Variants in BRSK2 observed in about 807,000 individuals in gnomAD.
BRSK2 encodes the protein serine/threonine-protein kinase BRSK2.
BRSK2 carries 19 observed loss-of-function variants against 83.3 expected under a neutral mutation model. The observed-to-expected ratio is 0.23, with a 90% CI of 0.16 to 0.33. The LOEUF (loss-of-function observed/expected upper bound fraction) is 0.33, where lower values mean the gene tolerates loss of function less well. Ranked by LOEUF, BRSK2 falls within the 10% of genes least tolerant of loss-of-function variation. The probability of loss-of-function intolerance (pLI) is 1.00; values close to 1 mark genes in which losing one functional copy is unlikely to be tolerated. For missense variants in BRSK2, 798 were observed against 1,042.3 expected, an observed-to-expected ratio of 0.77 and a Z score of 3.23; for synonymous variants, 519 against 435.4, an observed-to-expected ratio of 1.19 and a Z score of -2.39.
At chr11:1,421,140 G>A (rs1179691168) in intron 1 of BRSK2, among the ~76,000 whole-genome samples, 1 of 152,206 alleles carries the variant, frequency 6.6e-6, no homozygotes, top group Non-Finnish European at 1.5e-5. Context: ...ACAGTCCCAG[G>A]CTGTGCTTTG....
At chr11:1,435,220 G>A (rs1464219750) in intron 1 of BRSK2, among the ~76,000 whole-genome samples, 4 of 144,128 alleles carry the variant, frequency 2.8e-5, no homozygotes, top group African/African-American at 1.0e-4. Flanking sequence ...GAGGGGTGCC[G>A]GTGGGGGTCT....
intron 1 of BRSK2, among the ~76,000 whole-genome samples, chr11:1,403,033 C>T (rs1477202571): frequency 1.3e-5 from 2 of 152,120 alleles, no homozygotes; most frequent in South Asian, 2.1e-4. Context: ...GGAGGACGGG[C>T]GGGACCCCCC....
At chr11:1,406,836 C>T (rs1029781339) in intron 1 of BRSK2, among the ~76,000 whole-genome samples, 3 of 152,192 alleles carry the variant, frequency 2.0e-5, no homozygotes, top group South Asian at 2.1e-4. Flanking sequence ...GCTCCCTCCA[C>T]GAGGTACACG....
In BRSK2 at chr11:1,460,699, C is replaced by T. The variant is rs766004784; in HGVS notation, c.2187C>T (p.Pro729=). ...TGKDTAKMGP[P]TARREQP is the part of the protein sequence containing the mutation. ...AGGACACGGCCAAGATGGGCCCGCC[C>T]ACCGCCCGCCGCGAGCAGCCTTAGA... Residue 729 remains proline (P), a synonymous_variant, in exon 20 of 20, where the codon CCC becomes CCT. Coordinates refer to ENST00000528841, the MANE Select transcript of BRSK2 (RefSeq NM_001256627.2). The T allele has an allele frequency of 6.6e-4, 972 of 1,478,372 alleles. 1 individual carries two copies. Among genetic ancestry groups the T allele is most frequent in the Non-Finnish European group, 8.5e-4 (946 of 1,108,112 alleles). The allele number at this position is 1,478,372 out of a possible 1,614,324, so 91.6% of individuals were successfully genotyped here.
intron 11 of BRSK2, 29 bp downstream of exon 11, chr11:1,445,697 G>T (rs370640615): frequency 2.5e-6 from 4 of 1,611,386 alleles, no homozygotes; most frequent in African/African-American, 1.3e-5. Context: ...CCTCCAGCCC[G>T]GCCTGCACTG....
intron 13 of BRSK2, 52 bp from the exon 14 acceptor site, chr11:1,450,535 G>A: frequency 1.1e-6 from 1 of 943,164 alleles, no homozygotes; most frequent in Non-Finnish European, 1.6e-6. Flanking sequence ...TGCCCCCCCG[G>A]CCCCCACCCG....
chr11:1,415,278 TAG>T (rs1847983970), intron 1 of BRSK2, among the ~76,000 whole-genome samples: 1 of 151,962 alleles, frequency 6.6e-6, no homozygotes, highest in South Asian at 2.1e-4. Flanking sequence ...GTATTTTTAG[TAG>T]AGAGGGGGTT....
intron 13 of BRSK2, 47 bp from the exon 14 acceptor site, chr11:1,450,540 C>T (rs1472485127): frequency 1.3e-5 from 14 of 1,046,880 alleles, no homozygotes; most frequent in Middle Eastern, 4.1e-4. Flanking sequence ...CCCCGGCCCC[C>T]ACCCGCCGGG....
At chr11:1,400,877 C>T (rs944677336) in intron 1 of BRSK2, among the ~76,000 whole-genome samples, 11 of 152,372 alleles carry the variant, frequency 7.2e-5, no homozygotes, top group Admixed American at 1.3e-4. Flanking sequence ...CCTCGTGGTG[C>T]TGGGACCCTG....
intron 1 of BRSK2, among the ~76,000 whole-genome samples, chr11:1,398,378 G>A (rs539969506): frequency 6.6e-6 from 1 of 152,288 alleles, no homozygotes; most frequent in African/African-American, 2.4e-5. Flanking sequence ...GCTGCCCTGG[G>A]TCCGAGAGTT....
chr11:1,404,217 C>T (rs113009587), intron 1 of BRSK2, among the ~76,000 whole-genome samples: 2 of 152,330 alleles, frequency 1.3e-5, no homozygotes, highest in African/African-American at 4.8e-5. Flanking sequence ...CCCCAGCTGC[C>T]CGCAATCTGG....
chr11:1,448,918 C>T (rs768574480), intron 12 of BRSK2, among the ~76,000 whole-genome samples: 12 of 152,188 alleles, frequency 7.9e-5, no homozygotes, highest in Non-Finnish European at 1.6e-4. Context: ...CCCTCGTGGC[C>T]GGCTGGCGGT....
intron 8 of BRSK2, among the ~76,000 whole-genome samples, chr11:1,444,486 C>T (rs1262194014): frequency 6.6e-6 from 1 of 152,164 alleles, no homozygotes; most frequent in African/African-American, 2.4e-5. Flanking sequence ...CCTGCCTGCA[C>T]CTGCACCCAG....
At position 1,461,919 on chromosome 11, in the gene BRSK2, GGGGGCTC is replaced by G. The variant is rs1280513623; in HGVS notation, c.*1202_*1208del. On this transcript the variant is annotated 3_prime_UTR_variant, in exon 20 of 20. Coordinates refer to ENST00000528841, the MANE Select transcript of BRSK2 (RefSeq NM_001256627.2). Reference sequence around the variant, plus strand: ...TGTGGAGAAGCAGCTCCACCTCTGGGGGGGCTCGGGGCAGAGGGGCGGTGTCTTGTAG... The same window carrying G: ...TGTGGAGAAGCAGCTCCACCTCTGGGGGGGCAGAGGGGCGGTGTCTTGTAG... 1.3e-5 allele frequency: 2 copies of G among 152,044 alleles called. No individual in the cohort carries two copies. Among genetic ancestry groups the G allele is most frequent in the East Asian group, 3.9e-4 (2 of 5,166 alleles). The allele number at this position is 152,044 out of a possible 1,614,324, so 9.4% of individuals were successfully genotyped here. A position where few individuals can be genotyped will look rare whatever the true frequency, so the allele number is the denominator to read the frequency against.
intron 1 of BRSK2, among the ~76,000 whole-genome samples, chr11:1,397,350 G>A (rs1025922309): frequency 4.6e-5 from 7 of 152,208 alleles, no homozygotes; most frequent in Non-Finnish European, 8.8e-5. Flanking sequence ...TTCAGGGCCC[G>A]GCCTGCCAGG....
Position 1,440,897 on chromosome 11 carries a change from G to C in BRSK2, c.382G>C (p.Ala128Pro). The C allele has an allele frequency of 6.2e-7, 1 of 1,609,426 alleles. No homozygotes were observed. Among genetic ancestry groups the C allele is most frequent in the Non-Finnish European group, 8.5e-7 (1 of 1,178,734 alleles). Residue 128 changes from alanine to proline, a missense_variant, in exon 4 of 20, where the codon GCG (alanine) becomes CCG (proline). Coordinates refer to ENST00000528841, the MANE Select transcript of BRSK2 (RefSeq NM_001256627.2). ...ARKFFRQIIS[A>P]LDFCHSHSIC... Reference sequence around the variant, plus strand: ...GAAGTTCTTCCGGCAGATCATCTCTGCGCTGGACTTCTGCCACAGCCACTC... The same window carrying C: ...GAAGTTCTTCCGGCAGATCATCTCTCCGCTGGACTTCTGCCACAGCCACTC...
chr11:1,401,168 G>T (rs1026542583), intron 1 of BRSK2, among the ~76,000 whole-genome samples: 1 of 152,206 alleles, frequency 6.6e-6, no homozygotes, highest in Non-Finnish European at 1.5e-5. Context: ...CACTCCGCAG[G>T]CCTCTAGGCT....
At chr11:1,414,759 G>A (rs1003628182) in intron 1 of BRSK2, among the ~76,000 whole-genome samples, 1 of 152,162 alleles carries the variant, frequency 6.6e-6, no homozygotes, top group African/African-American at 2.4e-5. Context: ...TCCTCCATCC[G>A]TGGGAGCGTG....
intron 1 of BRSK2, among the ~76,000 whole-genome samples, chr11:1,406,545 T>TG (rs377207446): frequency 3.3e-4 from 50 of 152,048 alleles, no homozygotes; most frequent in African/African-American, 1.1e-3. Context: ...GCAAATTGCA[T>TG]GGGGGGCGAG....
Sources: allele counts gnomAD v4.1 joint callset (sites outside exome capture counted in the v4.1 genomes callset), GRCh38; gene constraint gnomAD v4.1.1; transcripts MANE v1.5; gene names NCBI Gene and HGNC (gene_info 2026-07-23, HGNC 2026-07-21).